Variants in ECSIT observed in about 807,000 individuals in gnomAD.
The protein encoded by ECSIT is evolutionarily conserved signaling intermediate in Toll pathway, mitochondrial.
ECSIT carries 29 observed loss-of-function variants against 36.8 expected under a neutral mutation model. That is an observed-to-expected ratio of 0.79 (90% confidence interval 0.59 to 1.08). The LOEUF is 1.08. Ranked by LOEUF, ECSIT falls within the 50% of genes least tolerant of loss-of-function variation. The pLI, the probability that ECSIT is intolerant of heterozygous loss-of-function variation, is 0.00. For missense variants in ECSIT, 542 were observed against 581.0 expected (o/e 0.93, Z 0.69); for synonymous variants, 231 against 234.8 (o/e 0.98, Z 0.15).
intron 4 of ECSIT, among the ~76,000 whole-genome samples, chr19:11,509,434 A>G (rs1971825631): frequency 6.6e-6 from 1 of 151,254 alleles, no homozygotes; most frequent in African/African-American, 2.4e-5. Flanking sequence ...GTGGACAGCT[A>G]TTAGAACATA....
At chr19:11,522,279 C>A in intron 1 of ECSIT, 2 of 645,952 alleles carry the variant, frequency 3.1e-6, no homozygotes, top group South Asian at 1.7e-5. Flanking sequence ...CCACCACGGG[C>A]GCTGTCACCC....
At chr19:11,522,563 AAT>A in intron 1 of ECSIT, 6 of 651,074 alleles carry the variant, frequency 9.2e-6, no homozygotes, top group Non-Finnish European at 1.6e-5. Flanking sequence ...AAAAAAAAAA[AAT>A]TAGCCAGTCA....
intron 1 of ECSIT, chr19:11,522,054 C>G (rs1014730506): frequency 8.0e-5 from 26 of 324,656 alleles, no homozygotes; most frequent in African/African-American, 5.0e-4. Context: ...CCCTCTACCA[C>G]ATGCGAATCT....
chr19:11,522,475 A>G, intron 1 of ECSIT: 2 of 1,371,650 alleles, frequency 1.5e-6, no homozygotes, highest in East Asian at 4.7e-5. Context: ...CTTCACCACC[A>G]AAAGGCCCAA....
chr19:11,518,226 A>G (rs1972035329), intron 2 of ECSIT, among the ~76,000 whole-genome samples: 1 of 151,758 alleles, frequency 6.6e-6, no homozygotes, highest in Non-Finnish European at 1.5e-5. Flanking sequence ...CAGGAGTTTG[A>G]GACCAGCCTC....
chr19:11,526,476 C>T (rs1399963040), intron 1 of ECSIT, among the ~76,000 whole-genome samples: 1 of 152,176 alleles, frequency 6.6e-6, no homozygotes, highest in African/African-American at 2.4e-5. Flanking sequence ...CCATCCTATC[C>T]AATCGCACCA....
In ECSIT at chr19:11,519,069, GC is replaced by G; in HGVS notation, c.96+5del. 6.4e-7 allele frequency: 1 copy of G among 1,551,008 alleles called. No homozygotes were observed. Among genetic ancestry groups the G allele is most frequent in the East Asian group, 2.4e-5 (1 of 40,916 alleles). On this transcript the variant is annotated splice_donor_5th_base_variant and intron_variant, in intron 2 of 7. Transcript: ENST00000270517. The surrounding 1 kb of genome is among the most constrained non-coding windows in gnomAD (Gnocchi z 4.4). ...CTACCCAAAAGACTGCCTGGCTGGT[GC>G]TTACCTGAGAGATGGAGGTTCCTGT...
chr19:11,505,986 G>T lies in ECSIT; in HGVS notation c.*198C>A. On this transcript the variant is annotated 3_prime_UTR_variant, in exon 8 of 8. Transcript: ENST00000270517. ...TATTTGAATTCGGAGAACCAGAGGCGCCTGCAGATTCTGGAGGGGTCTCGC... is the reference window on the plus strand; with the variant it reads ...TATTTGAATTCGGAGAACCAGAGGCTCCTGCAGATTCTGGAGGGGTCTCGC... 2.0e-6 allele frequency: 2 copies of T among 993,404 alleles called. No individual in the cohort carries two copies. Among genetic ancestry groups the T allele is most frequent in the Non-Finnish European group, 2.9e-6 (2 of 685,688 alleles). The allele number at this position is 993,404 out of a possible 1,614,324, so 61.5% of individuals were successfully genotyped here. A position where few individuals can be genotyped will look rare whatever the true frequency, so the allele number is the denominator to read the frequency against.
intron 1 of ECSIT, among the ~76,000 whole-genome samples, chr19:11,524,035 A>C (rs1972161587): frequency 6.6e-6 from 1 of 151,712 alleles, no homozygotes; most frequent in South Asian, 2.1e-4. Flanking sequence ...TCCTCCCACC[A>C]CTGCCTCCTG....
At chr19:11,513,333 G>A in intron 3 of ECSIT, 54 bp from the exon 4 acceptor site, 1 of 1,439,136 alleles carries the variant, frequency 6.9e-7, no homozygotes, top group Non-Finnish European at 9.8e-7. Flanking sequence ...AGGAGGGAAG[G>A]GAAGAGGAGA....
chr19:11,514,507 T>G (rs77165255), intron 2 of ECSIT, among the ~76,000 whole-genome samples: 5,126 of 139,514 alleles, frequency 0.037, 274 homozygotes, highest in African/African-American at 0.15. Context: ...CACATGCCGG[T>G]TTTTTTTTGG....
chr19:11,509,629 G>C (rs565535407), intron 4 of ECSIT, among the ~76,000 whole-genome samples: 1 of 151,206 alleles, frequency 6.6e-6, no homozygotes, highest in South Asian at 2.1e-4. Flanking sequence ...TTAGCCAGGC[G>C]TGGTGGCACA....
chr19:11,516,704 CACAA>C (rs977065173), intron 2 of ECSIT, among the ~76,000 whole-genome samples: 45 of 148,864 alleles, frequency 3.0e-4, no homozygotes, highest in African/African-American at 6.7e-4. Context: ...CACACACACA[CACAA>C]AACGCTAACA....
chr19:11,511,568 C>T (rs570406894), intron 4 of ECSIT, among the ~76,000 whole-genome samples: 1 of 152,242 alleles, frequency 6.6e-6, no homozygotes, highest in South Asian at 2.1e-4. Context: ...TAGAATGTAG[C>T]AAGTGTTGGG....
At chr19:11,520,705 G>A (rs1972085475) in intron 1 of ECSIT, among the ~76,000 whole-genome samples, 2 of 149,958 alleles carry the variant, frequency 1.3e-5, no homozygotes. Flanking sequence ...GTAGAGATGG[G>A]GTTTCGCCAT....
Position 11,519,019 on chromosome 19 carries a change from G to A in ECSIT, c.96+56C>T. On this transcript the variant is annotated intron_variant, in intron 2 of 7. Transcript: ENST00000270517. The surrounding 1 kb of genome is among the most constrained non-coding windows in gnomAD (Gnocchi z 4.4). ...ACAGAGTGGATTCTGAAGGAGTTGG[G>A]AGCAAATCCCAAGCTTACCTCCCTC... 6.9e-7 allele frequency: 1 copy of A among 1,448,374 alleles called. No homozygotes were observed. Among genetic ancestry groups the A allele is most frequent in the Non-Finnish European group, 9.5e-7 (1 of 1,052,682 alleles). The allele number at this position is 1,448,374 out of a possible 1,614,324, so 89.7% of individuals were successfully genotyped here. A position where few individuals can be genotyped will look rare whatever the true frequency, so the allele number is the denominator to read the frequency against.
intron 2 of ECSIT, among the ~76,000 whole-genome samples, chr19:11,515,389 A>G (rs560005661): frequency 3.3e-5 from 5 of 152,090 alleles, no homozygotes; most frequent in Admixed American, 3.3e-4. Flanking sequence ...GGCATGAGCC[A>G]CCGCGCCCGG....
At chr19:11,522,343 A>G in intron 1 of ECSIT, 1 of 759,190 alleles carries the variant, frequency 1.3e-6, no homozygotes, top group South Asian at 1.4e-5. Flanking sequence ...TTCCATCCAG[A>G]TCATGAAGAT....
At chr19:11,515,697 G>A (rs936548409) in intron 2 of ECSIT, among the ~76,000 whole-genome samples, 4 of 150,154 alleles carry the variant, frequency 2.7e-5, no homozygotes, top group African/African-American at 4.9e-5. Flanking sequence ...GCAGTCACAC[G>A]ATCTCAGCTC....
Sources: gnomAD v4.1 joint callset for allele counts (sites outside exome capture counted in the v4.1 genomes callset) on GRCh38, gnomAD v4.1.1 for gene constraint, Gnocchi (gnomAD v3.1) non-coding constraint, MANE v1.5 for transcripts, NCBI Gene and HGNC (gene_info 2026-07-23, HGNC 2026-07-21) for gene names.